AKAP13: variants seen among roughly 807,000 people sequenced by gnomAD.
AKAP13 encodes the protein A-kinase anchoring protein 13.
Under a neutral mutation model 264.5 loss-of-function variants are expected in AKAP13, and 80 were observed. The observed-to-expected ratio is 0.30, with a 90% CI of 0.25 to 0.36. AKAP13 has a LOEUF of 0.36. AKAP13 is among the 10% of genes least tolerant of loss of function. The pLI is 1.00. For synonymous variants in AKAP13, 1,380 were observed against 1,250.2 expected (o/e 1.10, Z -2.19); for missense variants, 3,712 against 3,435.2 (o/e 1.08, Z -2.01).
intron 5 of AKAP13, among the ~76,000 whole-genome samples, chr15:85,550,269 A>G (rs2077910238): frequency 6.6e-6 from 1 of 152,088 alleles, no homozygotes; most frequent in Non-Finnish European, 1.5e-5. Context: ...TGACTTGCCC[A>G]AGGTCTCGGT....
chr15:85,623,712 T>A (rs181360750), intron 8 of AKAP13, among the ~76,000 whole-genome samples: 1 of 152,224 alleles, frequency 6.6e-6, no homozygotes, highest in African/African-American at 2.4e-5. Flanking sequence ...GTTGATAGTA[T>A]TCCTTGGTCA....
At chr15:85,500,017 G>A (rs1234549517) in intron 2 of AKAP13, among the ~76,000 whole-genome samples, 1 of 152,186 alleles carries the variant, frequency 6.6e-6, no homozygotes, top group African/African-American at 2.4e-5. Flanking sequence ...GGGAAAGGGT[G>A]TTGCCTCATA....
intron 5 of AKAP13, among the ~76,000 whole-genome samples, chr15:85,560,377 C>T: frequency 6.6e-6 from 1 of 151,920 alleles, no homozygotes; most frequent in South Asian, 2.1e-4. Context: ...GAACTCTTAG[C>T]CTCAAGCAAT....
chr15:85,439,412 C>T (rs1271519881), intron 1 of AKAP13, among the ~76,000 whole-genome samples: 4 of 152,000 alleles, frequency 2.6e-5, no homozygotes, highest in African/African-American at 9.7e-5. Context: ...GTCAGTGTGG[C>T]GATTCCTCAA....
chr15:85,467,666 A>G (rs1321774616), intron 1 of AKAP13, among the ~76,000 whole-genome samples: 2 of 152,112 alleles, frequency 1.3e-5, no homozygotes, highest in Non-Finnish European at 2.9e-5. Context: ...GAACATATCT[A>G]CTTTGAAGGA....
intron 7 of AKAP13, 144 bp from the exon 8 acceptor site, chr15:85,585,558 C>G: frequency 8.5e-7 from 1 of 1,179,730 alleles, no homozygotes; most frequent in South Asian, 1.4e-5. Flanking sequence ...AGAAATGACA[C>G]TAGCCGCTGA....
At chr15:85,719,864 G>A (rs1452164518) in intron 23 of AKAP13, among the ~76,000 whole-genome samples, 1 of 151,420 alleles carries the variant, frequency 6.6e-6, no homozygotes, top group East Asian at 2.0e-4. Flanking sequence ...GCAGTGAGCC[G>A]AGCTCATGCC....
intron 1 of AKAP13, among the ~76,000 whole-genome samples, chr15:85,440,788 C>T (rs1346329963): frequency 1.3e-4 from 20 of 152,156 alleles, no homozygotes; most frequent in Admixed American, 1.3e-3. Flanking sequence ...ACTTCTGCCT[C>T]TTTTTTCTCA....
intron 8 of AKAP13, among the ~76,000 whole-genome samples, chr15:85,616,831 G>A (rs1266361160): frequency 2.6e-5 from 4 of 152,188 alleles, no homozygotes; most frequent in Admixed American, 2.6e-4. Context: ...GGGGAGTGCT[G>A]AGCAGATCCA....
chr15:85,667,591 A>G (rs750377769), intron 13 of AKAP13, among the ~76,000 whole-genome samples: 1 of 152,260 alleles, frequency 6.6e-6, no homozygotes, highest in South Asian at 2.1e-4. Flanking sequence ...AGATGAGGTA[A>G]AATACCAAAA....
chr15:85,744,692 G>C lies in AKAP13; in HGVS notation c.*15G>C, dbSNP rs377341118. On this transcript the variant is annotated 3_prime_UTR_variant, in exon 37 of 37. Transcript: ENST00000394518. ...TCTTCTGCTGACCCTCTTCCTCTCT[G>C]CTGAGGCAGCTGCCTCCTGATCCTG... 71 of 1,589,398 alleles carry C rather than the reference G, an allele frequency of 4.5e-5. No homozygotes were observed. The highest frequency in any genetic ancestry group is 1.7e-4 in the Middle Eastern group (1 of 5,818).
At chr15:85,602,476 T>A (rs2151370271) in intron 8 of AKAP13, among the ~76,000 whole-genome samples, 1 of 150,500 alleles carries the variant, frequency 6.6e-6, no homozygotes, top group African/African-American at 2.4e-5. Flanking sequence ...GTGCTGGGTC[T>A]GGTCTATCTC....
intron 13 of AKAP13, among the ~76,000 whole-genome samples, chr15:85,669,242 A>G (rs976069093): frequency 6.6e-6 from 1 of 152,206 alleles, no homozygotes; most frequent in African/African-American, 2.4e-5. Flanking sequence ...TGTCTAAAAA[A>G]AAATAATAAT....
At chr15:85,669,664 T>G in intron 13 of AKAP13, 58 bp from the exon 14 acceptor site, 3 of 1,296,786 alleles carry the variant, frequency 2.3e-6, no homozygotes, top group Non-Finnish European at 3.3e-6. Context: ...GTTTTATGCT[T>G]ATCTAGAAAT....
intron 1 of AKAP13, among the ~76,000 whole-genome samples, chr15:85,389,584 A>C (rs1457462240): frequency 6.6e-6 from 1 of 152,242 alleles, no homozygotes; most frequent in Non-Finnish European, 1.5e-5. Flanking sequence ...GGTGGTTCTT[A>C]AAATTTCATT....
intron 1 of AKAP13, chr15:85,382,138 G>C (rs1380771239): frequency 1.3e-5 from 2 of 152,230 alleles, no homozygotes; most frequent in African/African-American, 4.8e-5. Flanking sequence ...GATGGAACTA[G>C]CTTAAATGTC....
chr15:85,449,775 C>A (rs955064421), intron 1 of AKAP13, among the ~76,000 whole-genome samples: 2 of 152,096 alleles, frequency 1.3e-5, no homozygotes, highest in Non-Finnish European at 2.9e-5. Flanking sequence ...CTTACTTGAT[C>A]ATGGTGGATT....
chr15:85,669,944 T>A, intron 14 of AKAP13, 114 bp downstream of exon 14: 1 of 612,600 alleles, frequency 1.6e-6, no homozygotes, highest in Non-Finnish European at 2.8e-6. Context: ...GCTTACTACT[T>A]CTTTGAGTGA....
At chr15:85,653,805 A>G (rs773136254) in intron 10 of AKAP13, among the ~76,000 whole-genome samples, 2 of 152,240 alleles carry the variant, frequency 1.3e-5, no homozygotes, top group African/African-American at 4.8e-5. Context: ...CAAAATAGCT[A>G]TTAAGACAGT....
Sources: gnomAD v4.1 joint callset for allele counts (sites outside exome capture counted in the v4.1 genomes callset) on GRCh38, gnomAD v4.1.1 for gene constraint, MANE v1.5 for transcripts, NCBI Gene and HGNC (gene_info 2026-07-23, HGNC 2026-07-21) for gene names.